The following LHX9 variants were observed in gnomAD, a reference collection of about 807,000 sequenced individuals.
LHX9 encodes LIM homeobox 9, also known as LIM/homeobox protein Lhx9.
Under a neutral mutation model 36.5 loss-of-function variants are expected in LHX9, and 9 were observed. That is an observed-to-expected ratio of 0.25 (90% confidence interval 0.15 to 0.43). The LOEUF (loss-of-function observed/expected upper bound fraction) is 0.43, where lower values mean the gene tolerates loss of function less well. Ranked by LOEUF, LHX9 falls within the 20% of genes least tolerant of loss-of-function variation. The pLI, the probability that LHX9 is intolerant of heterozygous loss-of-function variation, is 1.00. For synonymous variants in LHX9, 211 were observed against 212.1 expected (o/e 0.99, Z 0.04); for missense variants, 464 against 526.4 (o/e 0.88, Z 1.16).
chr1:197,918,248 A>G (rs1361614338), intron 1 of LHX9: 1 of 713,764 alleles, frequency 1.4e-6, no homozygotes, highest in Non-Finnish European at 2.6e-6. Context: ...AGGAACTGGG[A>G]GGAGGTGGGA....
chr1:197,924,895 C>CATTAA (rs1343539195), intron 3 of LHX9, among the ~76,000 whole-genome samples: 1 of 45,336 alleles, frequency 2.2e-5, no homozygotes, highest in Admixed American at 3.7e-4. Context: ...GTTATCATTT[C>CATTAA]ATCTCATAAT....
At chr1:197,926,156 A>G (rs1375663084) in intron 3 of LHX9, among the ~76,000 whole-genome samples, 1 of 152,200 alleles carries the variant, frequency 6.6e-6, no homozygotes, top group Non-Finnish European at 1.5e-5. Flanking sequence ...AAATATGCTG[A>G]TTTGCTGAAT....
chr1:197,914,436 C>G (rs1290846312), upstream of LHX9, among the ~76,000 whole-genome samples: 9 of 152,100 alleles, frequency 5.9e-5, no homozygotes, highest in Admixed American at 5.9e-4. Flanking sequence ...GGGCCTCAGC[C>G]CCTCTGCTGG....
At position 197,932,575 on chromosome 1, in the gene LHX9, T is replaced by G. The variant is rs1423952974; in HGVS notation, c.*3316T>G. 1 of 152,110 alleles carries G rather than the reference T, an allele frequency of 6.6e-6. No individual in the cohort carries two copies. Among genetic ancestry groups the G allele is most frequent in the Non-Finnish European group, 1.5e-5 (1 of 67,948 alleles). The allele number at this position is 152,110 out of a possible 1,614,324, so 9.4% of individuals were successfully genotyped here. On this transcript the variant is annotated 3_prime_UTR_variant, in exon 5 of 5. Transcript: ENST00000367387. ...ATAAATAGCTTTCATTAATAAACAT[T>G]TATTTGATGCAAACATAGTTAACTT...
At chr1:197,917,135 T>G, upstream of LHX9, 3 of 476,748 alleles carry the variant, frequency 6.3e-6, no homozygotes, top group Non-Finnish European at 8.2e-6. Context: ...CGCGCGTGTG[T>G]GTGTTTTGTG....
At chr1:197,915,941 C>A (rs530079208), upstream of LHX9, 1 of 152,168 alleles carries the variant, frequency 6.6e-6, no homozygotes, top group Admixed American at 6.5e-5. Flanking sequence ...CGGTCGGGCT[C>A]CCCCGGGCGG....
chr1:197,917,452 T>G lies in LHX9; in HGVS notation c.-372T>G, dbSNP rs1659800713. On this transcript the variant is annotated 5_prime_UTR_variant, in exon 1 of 5. Transcript: ENST00000367387. The stretch of plus-strand genomic sequence containing the variant: ...AAAATAGCACGTCTTTTTCTTTCTT[T>G]GTGTTCAAAACTATTTTCTTTCTTC... The G allele has an allele frequency of 2.3e-6, 3 of 1,324,284 alleles. No homozygotes were observed. Among genetic ancestry groups the G allele is most frequent in the African/African-American group, 3.0e-5 (2 of 66,670 alleles). The allele number at this position is 1,324,284 out of a possible 1,614,324, so 82.0% of individuals were successfully genotyped here. A position where few individuals can be genotyped will look rare whatever the true frequency, so the allele number is the denominator to read the frequency against.
At position 197,930,132 on chromosome 1, in the gene LHX9, AT is replaced by A. The variant is rs1487099170; in HGVS notation, c.*874del. On this transcript the variant is annotated 3_prime_UTR_variant, in exon 5 of 5. Transcript: ENST00000367387. ...ATATAATGTTTTAAGAAGTAAAAAA[AT>A]CAATATAATTTAATTAATAGCTCTA... The A allele has an allele frequency of 1.6e-5, 14 of 852,022 alleles. No homozygotes were observed. Among genetic ancestry groups the A allele is most frequent in the Non-Finnish European group, 1.8e-5 (13 of 708,596 alleles). 52.8% of individuals were successfully genotyped at this position (852,022 alleles called of 1,614,324 possible). A position where few individuals can be genotyped will look rare whatever the true frequency, so the allele number is the denominator to read the frequency against.
chr1:197,917,868 C>T lies in LHX9; in HGVS notation c.45C>T (p.Phe15=). 1 of 1,614,242 alleles carries T rather than the reference C, an allele frequency of 6.2e-7. No individual in the cohort carries two copies. The highest frequency in any genetic ancestry group is 8.5e-7 in the Non-Finnish European group (1 of 1,180,040). ...GAGCAGAAGACAACTCGTGTCCTTTCCGCCCCCCAGCCATGCTCTTTCACG... is the reference window on the plus strand; with the variant it reads ...GAGCAGAAGACAACTCGTGTCCTTTTCGCCCCCCAGCCATGCTCTTTCACG... The part of the protein sequence containing the change: ...GCRAEDNSCP[F]RPPAMLFHGI... The change falls in exon 1 of 5, where the codon TTC becomes TTT. Residue 15 remains phenylalanine (F), a synonymous_variant. Coordinates refer to ENST00000367387, the MANE Select transcript of LHX9 (RefSeq NM_020204.3).
In LHX9 at chr1:197,929,910, G is replaced by A. The variant is rs1490323509; in HGVS notation, c.*651G>A. The A allele has an allele frequency of 3.1e-6, 3 of 971,210 alleles. No individual in the cohort carries two copies. The highest frequency in any genetic ancestry group is 3.7e-6 in the Non-Finnish European group (3 of 817,024). 60.2% of individuals were successfully genotyped at this position (971,210 alleles called of 1,614,324 possible). On this transcript the variant is annotated 3_prime_UTR_variant, in exon 5 of 5. Transcript: ENST00000367387. ...AATGTGACTTTTCCTTCTCTTAGGGGTGTACAACTCTAAAAACTTTTTACT... is the reference window on the plus strand; with the variant it reads ...AATGTGACTTTTCCTTCTCTTAGGGATGTACAACTCTAAAAACTTTTTACT...
At position 197,929,101 on chromosome 1, in the gene LHX9, C is replaced by T; in HGVS notation, c.1036C>T (p.Pro346Ser). 6.2e-7 allele frequency: 1 copy of T among 1,613,728 alleles called. No individual in the cohort carries two copies. Among genetic ancestry groups the T allele is most frequent in the Non-Finnish European group, 8.5e-7 (1 of 1,179,896 alleles). ...TGACGGCACGTCGCTTCCGGCCCCG[C>T]CCTCAGCAGACAGCGGAGCTCTCAC... ...KADGTSLPAP[P>S]SADSGALTPP... Residue 346 changes from proline (P) to serine (S), a missense_variant, in exon 5 of 5, where the codon CCC (proline) becomes TCC (serine). Transcript: ENST00000367387.
intron 3 of LHX9, among the ~76,000 whole-genome samples, chr1:197,926,728 G>T (rs1032768617): frequency 4.6e-5 from 7 of 152,198 alleles, no homozygotes; most frequent in Admixed American, 2.0e-4. Flanking sequence ...TAAGATCTGA[G>T]CCTAGAAATA....
At chr1:197,915,533 G>T (rs1659720697), upstream of LHX9, among the ~76,000 whole-genome samples, 1 of 152,188 alleles carries the variant, frequency 6.6e-6, no homozygotes, top group South Asian at 2.1e-4. Flanking sequence ...AGGTATAGCT[G>T]CCAAAGTAAG....
chr1:197,916,592 G>C (rs1457371114), upstream of LHX9: 3 of 692,054 alleles, frequency 4.3e-6, no homozygotes, highest in Non-Finnish European at 7.9e-6. Flanking sequence ...AGGCGCAATT[G>C]CGTACCCGTG....
At chr1:197,916,146 G>A (rs1659744258), upstream of LHX9, 1 of 152,906 alleles carries the variant, frequency 6.5e-6, no homozygotes. Context: ...GCAGCGCTGT[G>A]CTTCGGACTC....
chr1:197,934,975 G>C lies in LHX9; in HGVS notation c.*5716G>C, dbSNP rs545094699. The C allele has an allele frequency of 1.8e-4, 28 of 152,088 alleles. No individual in the cohort carries two copies. The East Asian group carries it at 5.2e-3, about 28-fold the overall frequency. 9.4% of individuals were successfully genotyped at this position (152,088 alleles called of 1,614,324 possible). On this transcript the variant is annotated 3_prime_UTR_variant, in exon 5 of 5. Coordinates refer to ENST00000367387, the MANE Select transcript of LHX9 (RefSeq NM_020204.3). Reference sequence around the variant, plus strand: ...ATTTTATGAGGTTCCCTGGCAGTTGGGGGGGTGGTGAGGTTGGGAGAGGGA... The same window carrying C: ...ATTTTATGAGGTTCCCTGGCAGTTGCGGGGGTGGTGAGGTTGGGAGAGGGA...
In LHX9 at chr1:197,930,082, C is replaced by T. The variant is rs1327110070; in HGVS notation, c.*823C>T. On this transcript the variant is annotated 3_prime_UTR_variant, in exon 5 of 5. Transcript: ENST00000367387. ...ACCATTCTTTCTAGTTACTTTTTTT[C>T]CCAGGGAAAATGGAAATAAGCAAAA... 1 of 972,836 alleles carries T rather than the reference C, an allele frequency of 1.0e-6. No individual in the cohort carries two copies. Among genetic ancestry groups the T allele is most frequent in the Non-Finnish European group, 1.2e-6 (1 of 818,710 alleles). The allele number at this position is 972,836 out of a possible 1,614,324, so 60.3% of individuals were successfully genotyped here.
intron 1 of LHX9, among the ~76,000 whole-genome samples, chr1:197,918,962 CGT>C (rs1377657767): frequency 6.6e-6 from 1 of 152,066 alleles, no homozygotes; most frequent in Non-Finnish European, 1.5e-5. Flanking sequence ...AACTGGTGAA[CGT>C]GTCTATATTT....
intron 3 of LHX9, among the ~76,000 whole-genome samples, chr1:197,922,061 A>T (rs1245105223): frequency 6.6e-6 from 1 of 151,890 alleles, no homozygotes; most frequent in East Asian, 1.9e-4. Context: ...AAGAAAAAAA[A>T]AAAAGTCTAC....
Sources: allele counts gnomAD v4.1 joint callset (sites outside exome capture counted in the v4.1 genomes callset), GRCh38; gene constraint gnomAD v4.1.1; transcripts MANE v1.5; gene names NCBI Gene and HGNC (gene_info 2026-07-23, HGNC 2026-07-21).